SYNJ1: variants seen among roughly 807,000 people sequenced by gnomAD.
SYNJ1 encodes the protein polyphosphatidylinositol phosphatase SYNJ1.
SYNJ1 carries 78 observed loss-of-function variants against 168.2 expected under a neutral mutation model. That is an observed-to-expected ratio of 0.46 (90% CI 0.39 to 0.56). The LOEUF (loss-of-function observed/expected upper bound fraction) is 0.56. Among genes scored for constraint, SYNJ1 ranks in the 20% least tolerant of loss-of-function variants. SYNJ1 has a pLI of 0.00. For missense variants in SYNJ1, 1,303 were observed against 1,597.6 expected (o/e 0.82, Z 3.14); for synonymous variants, 539 against 548.6 (o/e 0.98, Z 0.24).
intron 4 of SYNJ1, among the ~76,000 whole-genome samples, chr21:32,698,561 A>C (rs1051640712): frequency 6.6e-6 from 1 of 152,232 alleles, no homozygotes; most frequent in African/African-American, 2.4e-5. Flanking sequence ...ATATCAAGAG[A>C]AAAAGTCAAC....
Position 32,673,333 on chromosome 21 carries a change from A to T in SYNJ1, c.1726+7T>A. On this transcript the variant is annotated splice_region_variant and intron_variant, in intron 14 of 32. Coordinates refer to ENST00000674351, the MANE Select transcript of SYNJ1 (RefSeq NM_203446.3). ...TATTAACTAAATCCATATTATAAAAAGCCAACCTTGAAACTCCTGGATGCC... is the reference window on the plus strand; with the variant it reads ...TATTAACTAAATCCATATTATAAAATGCCAACCTTGAAACTCCTGGATGCC... The T allele has an allele frequency of 6.2e-7, 1 of 1,601,442 alleles. No individual in the cohort carries two copies. Among genetic ancestry groups the T allele is most frequent in the Non-Finnish European group, 8.5e-7 (1 of 1,174,970 alleles).
At chr21:32,682,394 T>C (rs988458714) in intron 10 of SYNJ1, among the ~76,000 whole-genome samples, 4 of 152,216 alleles carry the variant, frequency 2.6e-5, no homozygotes, top group Non-Finnish European at 4.4e-5. Flanking sequence ...GCATTTTAAC[T>C]TAACTCTTTC....
At chr21:32,699,760 G>T in intron 4 of SYNJ1, 78 bp downstream of exon 4, 7 of 1,517,884 alleles carry the variant, frequency 4.6e-6, no homozygotes, top group Non-Finnish European at 6.2e-6. Flanking sequence ...TGCTGTCACG[G>T]TGAGGAGGTT....
intron 1 of SYNJ1, among the ~76,000 whole-genome samples, chr21:32,727,439 G>T (rs1161269906): frequency 2.6e-5 from 4 of 152,190 alleles, no homozygotes; most frequent in African/African-American, 9.7e-5. Flanking sequence ...GCGATGAAGG[G>T]CAAGGGAAAA....
At chr21:32,668,048 T>C (rs13052772) in intron 15 of SYNJ1, among the ~76,000 whole-genome samples, 110 of 137,212 alleles carry the variant, frequency 8.0e-4, no homozygotes, top group African/African-American at 2.6e-3. Context: ...TGTGTGTGTG[T>C]GCATGTGTGT....
chr21:32,689,606 T>C (rs182383604), intron 6 of SYNJ1, among the ~76,000 whole-genome samples: 29 of 152,372 alleles, frequency 1.9e-4, no homozygotes, highest in Admixed American at 1.8e-3. Flanking sequence ...AAAGTGCTTT[T>C]AAAGAGGGTG....
chr21:32,650,448 T>G (rs1449325576), intron 22 of SYNJ1, 102 bp from the exon 23 acceptor site: 1 of 951,444 alleles, frequency 1.1e-6, no homozygotes, highest in African/African-American at 1.7e-5. Flanking sequence ...TATAGACAGT[T>G]AATTTAGTTA....
At position 32,629,564 on chromosome 21, in the gene SYNJ1, T is replaced by C. The variant is rs772398189; in HGVS notation, c.*2241A>G. 3.3e-5 allele frequency: 5 copies of C among 152,680 alleles called. No individual in the cohort carries two copies. Among genetic ancestry groups the C allele is most frequent in the Admixed American group, 6.5e-5 (1 of 15,290 alleles). The allele number at this position is 152,680 out of a possible 1,614,324, so 9.5% of individuals were successfully genotyped here. ...ATTCGTAGCCATGAACGCTATTTTTTGATATTCCCTCAATGTACATCTTTA... is the reference window on the plus strand; with the variant it reads ...ATTCGTAGCCATGAACGCTATTTTTCGATATTCCCTCAATGTACATCTTTA... On this transcript the variant is annotated 3_prime_UTR_variant, in exon 33 of 33. Transcript: ENST00000674351.
intron 32 of SYNJ1, among the ~76,000 whole-genome samples, chr21:32,633,156 G>C (rs1038777055): frequency 2.6e-5 from 4 of 152,158 alleles, no homozygotes; most frequent in African/African-American, 9.7e-5. Flanking sequence ...AGGAAAAAAA[G>C]TTCCATTTTC....
At chr21:32,670,877 A>T (rs951604286) in intron 14 of SYNJ1, 2 of 884,038 alleles carry the variant, frequency 2.3e-6, no homozygotes, top group African/African-American at 3.6e-5. Flanking sequence ...AGATCCAGAA[A>T]GTAAGACACA....
At chr21:32,635,910 C>T (rs1199556660) in intron 31 of SYNJ1, among the ~76,000 whole-genome samples, 2 of 151,930 alleles carry the variant, frequency 1.3e-5, no homozygotes, top group Non-Finnish European at 2.9e-5. Flanking sequence ...ATCTAGTATC[C>T]TCAAGCAAGT....
At chr21:32,695,635 ATTTATTTATT>A (rs1326168872) in intron 4 of SYNJ1, among the ~76,000 whole-genome samples, 330 of 120,264 alleles carry the variant, frequency 2.7e-3, no homozygotes, top group African/African-American at 9.5e-3. Context: ...TTAAAAAAAT[ATTTATTTATT>A]TATTTATTTA....
At chr21:32,708,772 T>C (rs548267911) in intron 2 of SYNJ1, among the ~76,000 whole-genome samples, 1 of 152,256 alleles carries the variant, frequency 6.6e-6, no homozygotes, top group South Asian at 2.1e-4. Flanking sequence ...TTTTTTTTTT[T>C]TCATTTGATA....
intron 25 of SYNJ1, 21 bp downstream of exon 25, chr21:32,645,625 A>T: frequency 6.6e-7 from 1 of 1,517,004 alleles, no homozygotes. Context: ...TCTAGCAGAA[A>T]TGGAAATAAA....
rs1236985013 is a variant in SYNJ1, at chr21:32,642,139, A to C, written c.3479-6T>G. 2 of 1,613,878 alleles carry C rather than the reference A, an allele frequency of 1.2e-6. No individual in the cohort carries two copies. Among genetic ancestry groups the C allele is most frequent in the Non-Finnish European group, 1.7e-6 (2 of 1,180,016 alleles). Reference sequence around the variant, plus strand: ...TGTTCCAGGGCTTTTGGGTGCTTTGAAGCAAGAAGGGAAAAAAAAATTAGT... The same window carrying C: ...TGTTCCAGGGCTTTTGGGTGCTTTGCAGCAAGAAGGGAAAAAAAAATTAGT... On this transcript the variant is annotated splice_polypyrimidine_tract_variant and splice_region_variant and intron_variant, in intron 27 of 32. Coordinates refer to ENST00000674351, the MANE Select transcript of SYNJ1 (RefSeq NM_203446.3).
intron 12 of SYNJ1, among the ~76,000 whole-genome samples, chr21:32,676,897 G>A (rs990754250): frequency 1.3e-5 from 2 of 152,064 alleles, no homozygotes; most frequent in East Asian, 1.9e-4. Flanking sequence ...GGGGTACCAC[G>A]TTCAAAAACT....
chr21:32,667,750 T>C (rs1356275346), intron 15 of SYNJ1, among the ~76,000 whole-genome samples: 1 of 151,600 alleles, frequency 6.6e-6, no homozygotes, highest in Non-Finnish European at 1.5e-5. Flanking sequence ...GATCATTCAT[T>C]TGAGACTTCC....
intron 2 of SYNJ1, among the ~76,000 whole-genome samples, chr21:32,725,069 T>TA (rs1468122208): frequency 6.6e-6 from 1 of 152,224 alleles, no homozygotes; most frequent in Non-Finnish European, 1.5e-5. Context: ...GAAATATTAT[T>TA]ATTCTTAGGT....
At chr21:32,703,297 C>T (rs1300127016) in intron 2 of SYNJ1, among the ~76,000 whole-genome samples, 1 of 152,216 alleles carries the variant, frequency 6.6e-6, no homozygotes, top group South Asian at 2.1e-4. Flanking sequence ...GATTCGCCAA[C>T]CCGTTAAAGT....
Sources: allele counts gnomAD v4.1 joint callset (sites outside exome capture counted in the v4.1 genomes callset), GRCh38; gene constraint gnomAD v4.1.1; transcripts MANE v1.5; gene names NCBI Gene and HGNC (gene_info 2026-07-23, HGNC 2026-07-21).